Variants in TM7SF3 observed in about 807,000 individuals in gnomAD.
The protein encoded by TM7SF3 is seven span transmembrane protein.
A neutral mutation model predicts 65.5 loss-of-function variants in TM7SF3; 60 were observed. That is an observed-to-expected ratio of 0.92 (90% CI 0.74 to 1.14). TM7SF3 has a LOEUF of 1.14. Among genes scored for constraint, TM7SF3 ranks in the 50% most tolerant of loss-of-function variants. The probability of loss-of-function intolerance (pLI) is 0.00; values close to 1 mark genes in which losing one functional copy is unlikely to be tolerated. For synonymous variants in TM7SF3, 264 were observed against 259.6 expected (o/e 1.02, Z -0.16); for missense variants, 623 against 684.8 (o/e 0.91, Z 1.01).
At chr12:26,991,035 ACGCAGACAGTCTGTTAACATCT>A (rs1423473829) in intron 5 of TM7SF3, among the ~76,000 whole-genome samples, 1 of 152,206 alleles carries the variant, frequency 6.6e-6, no homozygotes, top group Non-Finnish European at 1.5e-5. Context: ...CCACAGACTA[ACGCAGACAGTCTGTTAACATCT>A]CGCAGACAGT....
intron 6 of TM7SF3, among the ~76,000 whole-genome samples, chr12:26,984,662 C>G (rs911045390): frequency 1.3e-5 from 2 of 151,902 alleles, no homozygotes; most frequent in Non-Finnish European, 2.9e-5. Flanking sequence ...AACTAAGACA[C>G]AGTTAGATAC....
chr12:27,002,005 T>C (rs1264062041), intron 2 of TM7SF3, among the ~76,000 whole-genome samples: 1 of 152,130 alleles, frequency 6.6e-6, no homozygotes, highest in African/African-American at 2.4e-5. Flanking sequence ...AATTCTTCCA[T>C]TTCTAGTCTA....
At chr12:26,995,106 A>C (rs1940534496) in intron 5 of TM7SF3, 131 bp downstream of exon 5, 2 of 914,470 alleles carry the variant, frequency 2.2e-6, no homozygotes, top group Non-Finnish European at 3.3e-6. Flanking sequence ...ATGATAACAA[A>C]AGAGAATAAA....
At position 27,014,281 on chromosome 12, in the gene TM7SF3, T is replaced by C. The variant is rs1941360779; in HGVS notation, c.-113A>G. On this transcript the variant is annotated 5_prime_UTR_variant, in exon 1 of 12. It removes an upstream start codon present in the reference 5' UTR. Coordinates refer to ENST00000343028, the MANE Select transcript of TM7SF3 (RefSeq NM_016551.3). ...CCCGGGGCGCCCGCATCGGGCGCCA[T>C]CGCCCGCCAGGTGCAGACGCTTCGC... The C allele has an allele frequency of 1.1e-6, 1 of 950,888 alleles. No individual in the cohort carries two copies. Among genetic ancestry groups the C allele is most frequent in the South Asian group, 1.9e-5 (1 of 51,454 alleles). 58.9% of individuals were successfully genotyped at this position (950,888 alleles called of 1,614,324 possible). A position where few individuals can be genotyped will look rare whatever the true frequency, so the allele number is the denominator to read the frequency against.
chr12:27,003,050 ACT>A (rs1310950493), intron 2 of TM7SF3, among the ~76,000 whole-genome samples, 184 bp downstream of exon 2: 10 of 152,160 alleles, frequency 6.6e-5, no homozygotes, highest in Non-Finnish European at 5.9e-5. Flanking sequence ...AGACTGCCAC[ACT>A]CAAGAAAGGC....
In TM7SF3 at chr12:27,000,382, T is replaced by C. The variant is rs967266446; in HGVS notation, c.247-706A>G. On this transcript the variant is annotated intron_variant, in intron 2 of 11. Transcript: ENST00000343028. ...ACCACTAGGACAAAAACATGAGACC[T>C]GGCCCCAAGGAGTTCAGTTTTCGAG... Among the ~76,000 whole-genome samples the C allele has an allele frequency of 5.3e-4, 80 of 152,238 alleles. 1 individual carries two copies.
chr12:26,979,464 C>T (rs1939714766), intron 9 of TM7SF3: 1 of 258,280 alleles, frequency 3.9e-6, no homozygotes, highest in South Asian at 5.5e-5. Context: ...TACCAGGTTC[C>T]CCGACTCAGC....
chr12:26,998,972 A>C lies in TM7SF3; in HGVS notation c.397+554T>G, dbSNP rs552309895. ...TCTGCTTAGAACAACTAAACTGTTA[A>C]GGACTATGTCTTGCCTTAACTATTA... On this transcript the variant is annotated intron_variant, in intron 3 of 11. Coordinates refer to ENST00000343028, the MANE Select transcript of TM7SF3 (RefSeq NM_016551.3). Among the ~76,000 whole-genome samples, 4 of 152,350 alleles carry C rather than the reference A, an allele frequency of 2.6e-5. No homozygotes were observed. The South Asian group carries it at 6.2e-4, about 24-fold the overall frequency.
chr12:26,979,648 TCA>T, intron 9 of TM7SF3, 134 bp downstream of exon 9: 1 of 935,516 alleles, frequency 1.1e-6, no homozygotes, highest in Non-Finnish European at 1.6e-6. Flanking sequence ...TCTGAAAGTG[TCA>T]CACCATCAAT....
At chr12:26,984,728 G>C (rs1939968484) in intron 6 of TM7SF3, among the ~76,000 whole-genome samples, 1 of 152,094 alleles carries the variant, frequency 6.6e-6, no homozygotes, top group Non-Finnish European at 1.5e-5. Context: ...AGGAAGGAGG[G>C]AGAGAAACAA....
chr12:26,999,436 A>G (rs2136433178), intron 3 of TM7SF3, 90 bp downstream of exon 3: 1 of 1,382,320 alleles, frequency 7.2e-7, no homozygotes, highest in Non-Finnish European at 1.0e-6. Flanking sequence ...ACTTGCAACA[A>G]ACAATCTCAA....
intron 8 of TM7SF3, chr12:26,980,235 G>A: frequency 3.7e-6 from 2 of 546,394 alleles, no homozygotes; most frequent in East Asian, 6.2e-5. Flanking sequence ...TAATGGGGTA[G>A]GGAGGTATCT....
chr12:26,991,556 A>G (rs929538161), intron 5 of TM7SF3, among the ~76,000 whole-genome samples: 4 of 152,216 alleles, frequency 2.6e-5, no homozygotes, highest in African/African-American at 9.6e-5. Context: ...AGAAAAATAA[A>G]TATTAGGGTT....
At chr12:26,982,748 A>G in intron 7 of TM7SF3, 25 bp downstream of exon 7, 1 of 1,550,148 alleles carries the variant, frequency 6.5e-7, no homozygotes, top group Non-Finnish European at 8.8e-7. Context: ...CAAAATGGAA[A>G]TAGCAACTAC....
intron 6 of TM7SF3, among the ~76,000 whole-genome samples, chr12:26,985,915 A>G (rs554626883): frequency 1.6e-4 from 21 of 133,004 alleles, no homozygotes; most frequent in South Asian, 7.2e-4. Context: ...CCGGGTTCAC[A>G]CCATTCTCCT....
At chr12:26,977,288 A>G (rs1221149495) in intron 9 of TM7SF3, among the ~76,000 whole-genome samples, 1 of 152,238 alleles carries the variant, frequency 6.6e-6, no homozygotes, top group Non-Finnish European at 1.5e-5. Context: ...GCTTTCTTGT[A>G]AAAGGCTTTC....
In TM7SF3 at chr12:26,980,593, T is replaced by A; in HGVS notation, c.1009A>T (p.Thr337Ser). Residue 337 changes from threonine to serine, a missense_variant, in exon 8 of 12, where the codon ACA becomes TCA. Physicochemically the swap from Thr to Ser is moderately conservative, Grantham distance 58. Transcript: ENST00000343028. ...TCATACTTGATAGGTGTCAGTCTTGTAATCAGTATATAAAAGAAGAATCCC... is the reference window on the plus strand; with the variant it reads ...TCATACTTGATAGGTGTCAGTCTTGAAATCAGTATATAAAAGAAGAATCCC... ...IMGFFFYILI[T>S]RLTPIKYDVN... 6.4e-7 allele frequency: 1 copy of A among 1,563,268 alleles called. No homozygotes were observed. The highest frequency in any genetic ancestry group is 8.8e-7 in the Non-Finnish European group (1 of 1,138,190).
chr12:26,999,727 A>C (rs772843505), intron 2 of TM7SF3, 51 bp from the exon 3 acceptor site: 1 of 1,602,004 alleles, frequency 6.2e-7, no homozygotes, highest in Non-Finnish European at 8.5e-7. Context: ...CCAAAACATA[A>C]ATTACTGAGC....
At chr12:26,977,869 G>T in intron 9 of TM7SF3, 1 of 275,706 alleles carries the variant, frequency 3.6e-6, no homozygotes, top group Non-Finnish European at 7.2e-6. Flanking sequence ...TTGGGAGGCC[G>T]AGGTGGGAGG....
Sources: allele counts gnomAD v4.1 joint callset (sites outside exome capture counted in the v4.1 genomes callset), GRCh38; gene constraint gnomAD v4.1.1; transcripts MANE v1.5; gene names NCBI Gene and HGNC (gene_info 2026-07-23, HGNC 2026-07-21).